The following UGGT2 variants were observed in gnomAD, a reference collection of about 807,000 sequenced individuals.
UGGT2 encodes the protein UDP-glucose glycoprotein glucosyltransferase 2.
UGGT2 carries 180 observed loss-of-function variants against 192.1 expected under a neutral mutation model. The observed-to-expected ratio is 0.94, with a 90% confidence interval of 0.83 to 1.06. UGGT2 has a LOEUF of 1.06. UGGT2 is among the 50% of genes least tolerant of loss of function. The pLI is 0.00. For missense variants in UGGT2, 1,849 were observed against 1,795.7 expected (o/e 1.03, Z -0.54); for synonymous variants, 580 against 591.0 (o/e 0.98, Z 0.27).
chr13:95,907,614 G>T (rs997304997), intron 20 of UGGT2, among the ~76,000 whole-genome samples: 1 of 152,198 alleles, frequency 6.6e-6, no homozygotes, highest in Non-Finnish European at 1.5e-5. Context: ...AAAAGGATTT[G>T]CAGCATAACT....
intron 1 of UGGT2, among the ~76,000 whole-genome samples, chr13:96,039,438 G>A (rs1282163344): frequency 6.6e-6 from 1 of 152,068 alleles, no homozygotes; most frequent in Admixed American, 6.6e-5. Flanking sequence ...TTTATACCAA[G>A]CTTCTGGGGA....
At chr13:95,888,273 G>T (rs936617846) in intron 25 of UGGT2, among the ~76,000 whole-genome samples, 10 of 152,028 alleles carry the variant, frequency 6.6e-5, no homozygotes, top group Admixed American at 3.3e-4. Flanking sequence ...CCTTAGTATT[G>T]AAGAACAAGG....
intron 12 of UGGT2, among the ~76,000 whole-genome samples, chr13:95,966,766 T>C (rs1192806902): frequency 6.6e-6 from 1 of 152,132 alleles, no homozygotes; most frequent in Admixed American, 6.6e-5. Context: ...AAGTTTGGAA[T>C]TCACAGAAGA....
chr13:95,928,215 G>A lies in UGGT2; in HGVS notation c.1978-879C>T, dbSNP rs536531513. ...GACGGGGTGGCGGCCGGGCAGAGGC[G>A]CCCCCCACCTCCCGGACGGGGCAGC... On this transcript the variant is annotated intron_variant, in intron 17 of 38. Transcript: ENST00000376747. Among the ~76,000 whole-genome samples, 839 of 150,700 alleles carry A rather than the reference G, an allele frequency of 5.6e-3. 1 individual carries two copies. Among genetic ancestry groups the A allele is most frequent in the Non-Finnish European group, 7.7e-3 (523 of 67,506 alleles).
intron 38 of UGGT2, among the ~76,000 whole-genome samples, chr13:95,816,816 G>A (rs1040097526): frequency 1.3e-5 from 2 of 152,298 alleles, no homozygotes; most frequent in South Asian, 2.1e-4. Context: ...TTACATGACT[G>A]TATATATTAG....
At chr13:96,038,424 T>C (rs1277935776) in intron 1 of UGGT2, among the ~76,000 whole-genome samples, 3 of 151,954 alleles carry the variant, frequency 2.0e-5, no homozygotes, top group Non-Finnish European at 4.4e-5. Context: ...CAAGATAGAG[T>C]AATATGGTAT....
At chr13:95,831,180 G>A (rs545791418) in intron 38 of UGGT2, among the ~76,000 whole-genome samples, 55 of 152,226 alleles carry the variant, frequency 3.6e-4, no homozygotes, top group South Asian at 1.2e-3. Context: ...CAATGTAAAT[G>A]ACGAGTTAGT....
intron 36 of UGGT2, among the ~76,000 whole-genome samples, chr13:95,851,231 C>T (rs894147965): frequency 7.2e-5 from 11 of 152,268 alleles, no homozygotes; most frequent in Non-Finnish European, 1.0e-4. Flanking sequence ...GGAAGAGGAA[C>T]AGAACTTGAG....
intron 5 of UGGT2, among the ~76,000 whole-genome samples, chr13:96,004,516 A>G (rs1208082909): frequency 6.6e-6 from 1 of 151,890 alleles, no homozygotes; most frequent in Non-Finnish European, 1.5e-5. Context: ...CAGCAGCACA[A>G]TCGAGTGACT....
intron 11 of UGGT2, among the ~76,000 whole-genome samples, chr13:95,972,246 CT>C (rs1462883385): frequency 6.6e-6 from 1 of 151,768 alleles, no homozygotes; most frequent in Non-Finnish European, 1.5e-5. Context: ...CCCATGTTGA[CT>C]TCAGTCCTTA....
chr13:95,949,184 C>G, intron 13 of UGGT2, 151 bp downstream of exon 13: 1 of 611,254 alleles, frequency 1.6e-6, no homozygotes, highest in Non-Finnish European at 2.5e-6. Flanking sequence ...GTTGTTGATA[C>G]CCAGTCAGCC....
At chr13:95,808,895 A>G (rs1256349739) in intron 38 of UGGT2, among the ~76,000 whole-genome samples, 1 of 152,234 alleles carries the variant, frequency 6.6e-6, no homozygotes, top group Non-Finnish European at 1.5e-5. Context: ...TTTAGGAAAC[A>G]ATTCTACTAA....
intron 1 of UGGT2, among the ~76,000 whole-genome samples, chr13:96,048,478 A>G (rs2053385068): frequency 6.6e-6 from 1 of 152,218 alleles, no homozygotes; most frequent in Non-Finnish European, 1.5e-5. Flanking sequence ...AGAAATAACT[A>G]AGATCAGAGC....
chr13:95,864,189 A>T (rs1391137075), intron 30 of UGGT2, among the ~76,000 whole-genome samples: 3 of 152,098 alleles, frequency 2.0e-5, no homozygotes, highest in Admixed American at 6.6e-5. Context: ...TTATTCCCAC[A>T]ATCCCAACAG....
intron 29 of UGGT2, among the ~76,000 whole-genome samples, chr13:95,871,251 C>A (rs867468589): frequency 6.6e-6 from 1 of 152,106 alleles, no homozygotes; most frequent in South Asian, 2.1e-4. Context: ...GAGATAGCTA[C>A]CAGACACCGA....
chr13:95,874,715 A>G (rs1269763856), intron 29 of UGGT2, among the ~76,000 whole-genome samples: 6 of 151,196 alleles, frequency 4.0e-5, no homozygotes, highest in Non-Finnish European at 8.8e-5. Context: ...ATTTTGAGAC[A>G]GGGTCTCACT....
At chr13:95,965,923 A>T (rs1309707157) in intron 12 of UGGT2, among the ~76,000 whole-genome samples, 1 of 152,132 alleles carries the variant, frequency 6.6e-6, no homozygotes, top group Non-Finnish European at 1.5e-5. Flanking sequence ...GGAAAAAAGG[A>T]ACTCTTATAG....
chr13:95,888,440 T>C (rs2047707827), intron 25 of UGGT2, among the ~76,000 whole-genome samples: 1 of 152,188 alleles, frequency 6.6e-6, no homozygotes, highest in African/African-American at 2.4e-5. Flanking sequence ...AGAGGAAGAA[T>C]TACTAATTTT....
intron 5 of UGGT2, among the ~76,000 whole-genome samples, chr13:96,008,108 T>C (rs2052038361): frequency 6.6e-6 from 1 of 152,176 alleles, no homozygotes; most frequent in Non-Finnish European, 1.5e-5. Flanking sequence ...GAAGAAATGC[T>C]CCAGGACATT....
Sources: gnomAD v4.1 joint callset for allele counts (sites outside exome capture counted in the v4.1 genomes callset) on GRCh38, gnomAD v4.1.1 for gene constraint, MANE v1.5 for transcripts, NCBI Gene and HGNC (gene_info 2026-07-23, HGNC 2026-07-21) for gene names.